The following SRFBP1 variants were observed in gnomAD, a reference collection of about 807,000 sequenced individuals.
SRFBP1 encodes the protein serum response factor binding protein 1.
A neutral mutation model predicts 45.5 loss-of-function variants in SRFBP1; 47 were observed. The observed-to-expected ratio is 1.03, with a 90% CI of 0.82 to 1.32. The LOEUF (loss-of-function observed/expected upper bound fraction) is 1.32. SRFBP1 is among the 40% of genes most tolerant of loss of function. The pLI, the probability that SRFBP1 is intolerant of heterozygous loss-of-function variation, is 0.00. For missense variants in SRFBP1, 621 were observed against 484.6 expected (o/e 1.28, Z -2.64); for synonymous variants, 203 against 166.3 (o/e 1.22, Z -1.70).
chr5:122,047,274 G>A (rs1344455853), intron 2 of SRFBP1, among the ~76,000 whole-genome samples: 1 of 152,174 alleles, frequency 6.6e-6, no homozygotes, highest in Non-Finnish European at 1.5e-5. Context: ...TGTCTAGCCA[G>A]TTTTCCCAGC....
intron 4 of SRFBP1, among the ~76,000 whole-genome samples, chr5:122,000,363 A>G (rs906371616): frequency 2.0e-5 from 3 of 152,006 alleles, no homozygotes; most frequent in African/African-American, 4.8e-5. Context: ...AATCATTTTT[A>G]TACTTTCACT....
At chr5:121,992,333 T>C (rs1041895649) in intron 3 of SRFBP1, among the ~76,000 whole-genome samples, 3 of 152,034 alleles carry the variant, frequency 2.0e-5, no homozygotes, top group African/African-American at 4.8e-5. Flanking sequence ...CTTCCCTCTT[T>C]CTTTCTCTTC....
rs111795808 is a variant in SRFBP1 at position 122,009,119 on chromosome 5, G to A, written c.271-10141G>A. 7.3e-3 allele frequency among the ~76,000 whole-genome samples: 1,113 copies of A among 152,236 alleles called. 18 individuals carry two copies. Among genetic ancestry groups the A allele is most frequent in the African/African-American group, 0.023 (962 of 41,540 alleles). Reference sequence around the variant, plus strand: ...TTTTTCATTTTAGACATCCTAGTGCGTGTATAATACCTAAATTTAATTTGC... The same window carrying A: ...TTTTTCATTTTAGACATCCTAGTGCATGTATAATACCTAAATTTAATTTGC... On this transcript the variant is annotated intron_variant, in intron 4 of 7. Transcript: ENST00000339397.
chr5:122,052,409 C>G (rs1754005388), intron 2 of SRFBP1, among the ~76,000 whole-genome samples: 1 of 152,144 alleles, frequency 6.6e-6, no homozygotes, highest in East Asian at 1.9e-4. Flanking sequence ...TGTGTCTTTA[C>G]AAAATCCTAT....
intron 2 of SRFBP1, among the ~76,000 whole-genome samples, chr5:122,037,689 T>C (rs1421216194): frequency 6.6e-6 from 1 of 151,362 alleles, no homozygotes; most frequent in Non-Finnish European, 1.5e-5. Context: ...TTTTTTTTTT[T>C]GGTAGAGATG....
At chr5:122,019,937 C>T in intron 5 of SRFBP1, 151 bp from the exon 6 acceptor site, 1 of 459,304 alleles carries the variant, frequency 2.2e-6, no homozygotes, top group Non-Finnish European at 3.7e-6. Flanking sequence ...CGAAAGATTT[C>T]TTTGTGAATT....
chr5:121,992,925 G>C (rs1232988797), intron 3 of SRFBP1, among the ~76,000 whole-genome samples: 1 of 152,024 alleles, frequency 6.6e-6, no homozygotes, highest in Non-Finnish European at 1.5e-5. Context: ...TCTGGCTCCT[G>C]CTATTGCTAT....
intron 2 of SRFBP1, among the ~76,000 whole-genome samples, chr5:122,043,404 C>T (rs376951994): frequency 2.0e-5 from 3 of 151,954 alleles, no homozygotes; most frequent in African/African-American, 7.3e-5. Flanking sequence ...TTAGCAGAGA[C>T]GAGGTTTCAC....
chr5:122,054,582 C>T (rs1754046775), intron 2 of SRFBP1, among the ~76,000 whole-genome samples: 2 of 152,152 alleles, frequency 1.3e-5, no homozygotes, highest in African/African-American at 4.8e-5. Flanking sequence ...TCTACAAAAT[C>T]AGGTGGTAAG....
chr5:121,966,532 C>T (rs938189356), intron 1 of SRFBP1, among the ~76,000 whole-genome samples: 1 of 152,104 alleles, frequency 6.6e-6, no homozygotes, highest in Non-Finnish European at 1.5e-5. Flanking sequence ...GCTTTTTTTC[C>T]TCCCTTTCCA....
intron 2 of SRFBP1, among the ~76,000 whole-genome samples, chr5:122,035,351 T>C (rs994671395): frequency 3.3e-5 from 5 of 152,196 alleles, no homozygotes. Flanking sequence ...ATTCCCCTTA[T>C]GTCAGCAGCT....
chr5:122,066,794 A>T (rs777090481), intron 2 of SRFBP1: 2 of 1,214,364 alleles, frequency 1.6e-6, no homozygotes, highest in Non-Finnish European at 2.4e-6. Flanking sequence ...ACCTGATAAT[A>T]TAATGAATGA....
intron 2 of SRFBP1, among the ~76,000 whole-genome samples, chr5:122,043,009 A>C (rs1046645882): frequency 6.6e-6 from 1 of 152,056 alleles, no homozygotes; most frequent in African/African-American, 2.4e-5. Context: ...ATTCATGTAG[A>C]TTTACCCACG....
downstream of SRFBP1, among the ~76,000 whole-genome samples, chr5:122,033,466 A>G (rs1753623830): frequency 6.6e-6 from 1 of 151,202 alleles, no homozygotes; most frequent in East Asian, 1.9e-4. Context: ...ATCCAATATC[A>G]GTATTGTGCT....
At chr5:122,006,558 A>G (rs1752979138) in intron 4 of SRFBP1, among the ~76,000 whole-genome samples, 2 of 152,200 alleles carry the variant, frequency 1.3e-5, no homozygotes, top group South Asian at 4.1e-4. Flanking sequence ...GCTGTTCCAT[A>G]AATCTCATAA....
At chr5:121,995,988 C>G (rs1055089858) in intron 4 of SRFBP1, among the ~76,000 whole-genome samples, 2 of 152,072 alleles carry the variant, frequency 1.3e-5, no homozygotes, top group Non-Finnish European at 2.9e-5. Context: ...CTTAGTAGAC[C>G]AATAACAGGA....
chr5:122,074,232 T>C (rs1754548543), intron 2 of SRFBP1: 2 of 1,396,030 alleles, frequency 1.4e-6, no homozygotes, highest in African/African-American at 1.4e-5. Flanking sequence ...ATGAAGATAT[T>C]AAATGACTTC....
In SRFBP1 at chr5:121,961,991, G is replaced by C; in HGVS notation, c.-42G>C. 6.2e-7 allele frequency: 1 copy of C among 1,613,592 alleles called. No homozygotes were observed. The highest frequency in any genetic ancestry group is 1.1e-5 in the South Asian group (1 of 91,068). On this transcript the variant is annotated 5_prime_UTR_variant, in exon 1 of 8. Coordinates refer to ENST00000339397, the MANE Select transcript of SRFBP1 (RefSeq NM_152546.3). ...GACGCAGCCGCGGTCTGAGAGACCG[G>C]TTCACGTGCAGGCAGCGGCGGATCA...
chr5:122,038,755 A>G (rs1753729560), intron 2 of SRFBP1, among the ~76,000 whole-genome samples: 1 of 152,242 alleles, frequency 6.6e-6, no homozygotes, highest in Non-Finnish European at 1.5e-5. Flanking sequence ...GTAATAGAAT[A>G]GACACCCTCC....
Sources: gnomAD v4.1 joint callset for allele counts (sites outside exome capture counted in the v4.1 genomes callset) on GRCh38, gnomAD v4.1.1 for gene constraint, MANE v1.5 for transcripts, NCBI Gene and HGNC (gene_info 2026-07-23, HGNC 2026-07-21) for gene names.